Variants in RIBC2 observed in about 807,000 individuals in gnomAD.
RIBC2 encodes RIB43A-like with coiled-coils protein 2.
RIBC2 carries 40 observed loss-of-function variants against 44.3 expected under a neutral mutation model. That is an observed-to-expected ratio of 0.90 (90% CI 0.70 to 1.18). RIBC2 has a LOEUF of 1.18. Ranked by LOEUF, RIBC2 falls within the 50% of genes most tolerant of loss-of-function variation. The pLI, the probability that RIBC2 is intolerant of heterozygous loss-of-function variation, is 0.00. For missense variants in RIBC2, 459 were observed against 485.5 expected (o/e 0.95, Z 0.51); for synonymous variants, 171 against 175.0 (o/e 0.98, Z 0.18).
In RIBC2 at chr22:45,417,661, G is replaced by C. The variant is rs776961958; in HGVS notation, c.271G>C (p.Asp91His). 81 of 1,613,960 alleles carry C rather than the reference G, an allele frequency of 5.0e-5. No individual in the cohort carries two copies. The East Asian group carries it at 1.8e-3, about 36-fold the overall frequency. ...CATATTGGAAAACCGGAAAAAGAGG[G>C]ATAGGAAAAATCTCTGTAGGGCTAT... is the stretch of plus-strand genomic sequence containing the variant. ...MCILENRKKRDRKNLCRAIND... is the reference protein window; with the variant it reads ...MCILENRKKRHRKNLCRAIND... Residue 91 changes from aspartate to histidine, a missense_variant, in exon 3 of 7, where the codon GAT becomes CAT. Coordinates refer to ENST00000614167, the MANE Select transcript of RIBC2 (RefSeq NM_015653.5).
At position 45,417,722 on chromosome 22, in the gene RIBC2, C is replaced by G. The variant is rs1312490938; in HGVS notation, c.332C>G (p.Thr111Ser). ...DFQQSFQKPE[T>S]RREFDLSDPL... ...CAACAGAGCTTTCAGAAGCCAGAAACTCGCCGTGAATTTGATCTGTCCGAC... is the reference window on the plus strand; with the variant it reads ...CAACAGAGCTTTCAGAAGCCAGAAAGTCGCCGTGAATTTGATCTGTCCGAC... The change falls in exon 3 of 7, where the codon ACT becomes AGT. Residue 111 changes from threonine to serine, a missense_variant. Physicochemically the swap from Thr to Ser is moderately conservative, Grantham distance 58 (BLOSUM62 1). Coordinates refer to ENST00000614167, the MANE Select transcript of RIBC2 (RefSeq NM_015653.5). 6.2e-7 allele frequency: 1 copy of G among 1,614,142 alleles called. No homozygotes were observed. The highest frequency in any genetic ancestry group is 2.2e-5 in the East Asian group (1 of 44,890).
At chr22:45,428,067 C>T (rs147692280) in intron 5 of RIBC2, among the ~76,000 whole-genome samples, 121 of 152,292 alleles carry the variant, frequency 7.9e-4, no homozygotes, top group Non-Finnish European at 1.5e-3. Flanking sequence ...AGATGCAAGC[C>T]GTGGTTTCCT....
At chr22:45,423,271 T>C (rs2087503919) in intron 4 of RIBC2, among the ~76,000 whole-genome samples, 2 of 151,776 alleles carry the variant, frequency 1.3e-5, no homozygotes, top group East Asian at 3.9e-4. Flanking sequence ...CATCTGGCCC[T>C]CTTTTCGTTT....
At chr22:45,429,649 C>A (rs2087562101) in intron 5 of RIBC2, among the ~76,000 whole-genome samples, 1 of 152,006 alleles carries the variant, frequency 6.6e-6, no homozygotes, top group Non-Finnish European at 1.5e-5. Context: ...GCGTGAAGTT[C>A]AGGAAGTAGT....
intron 3 of RIBC2, among the ~76,000 whole-genome samples, chr22:45,419,619 A>G (rs965302759): frequency 1.3e-5 from 2 of 152,108 alleles, no homozygotes; most frequent in Admixed American, 1.3e-4. Context: ...ATGTAGTCCC[A>G]GCTACTCAGG....
At chr22:45,414,614 A>G (rs2087401417) in intron 2 of RIBC2, among the ~76,000 whole-genome samples, 3 of 152,144 alleles carry the variant, frequency 2.0e-5, no homozygotes, top group Middle Eastern at 3.4e-3. Context: ...TGCTGGAACT[A>G]CAGGCATGAG....
intron 2 of RIBC2, among the ~76,000 whole-genome samples, chr22:45,414,684 C>A (rs938265060): frequency 4.6e-5 from 7 of 152,108 alleles, no homozygotes; most frequent in African/African-American, 1.4e-4. Flanking sequence ...TCACACTCTT[C>A]TTCCTTTTAA....
At chr22:45,414,110 C>G (rs1051245963) in intron 1 of RIBC2, 95 bp downstream of exon 1, 27 of 1,506,946 alleles carry the variant, frequency 1.8e-5, no homozygotes, top group South Asian at 1.6e-4. Context: ...GATGAAACAT[C>G]TGAGCCAGGA....
intron 3 of RIBC2, among the ~76,000 whole-genome samples, chr22:45,420,158 G>A (rs1300090446): frequency 1.3e-5 from 2 of 152,118 alleles, no homozygotes; most frequent in African/African-American, 4.8e-5. Context: ...CTTATCTCCT[G>A]CTATGCTGCC....
intron 2 of RIBC2, among the ~76,000 whole-genome samples, chr22:45,415,185 A>G (rs2087410071): frequency 7.4e-6 from 1 of 136,012 alleles, no homozygotes; most frequent in Non-Finnish European, 1.5e-5. Context: ...CCCCATCTCT[A>G]CAAAAAATAA....
intron 5 of RIBC2, among the ~76,000 whole-genome samples, chr22:45,428,628 T>C (rs1317293585): frequency 6.6e-6 from 1 of 152,082 alleles, no homozygotes; most frequent in African/African-American, 2.4e-5. Context: ...AGTTGATCTG[T>C]ACTGGGGGCT....
intron 3 of RIBC2, among the ~76,000 whole-genome samples, chr22:45,421,567 A>ATTG (rs1569208930): frequency 7.5e-6 from 1 of 133,902 alleles, no homozygotes; most frequent in African/African-American, 3.0e-5. Context: ...TAGTATTATT[A>ATTG]ATAATAGTAT....
At position 45,430,934 on chromosome 22, in the gene RIBC2, A is replaced by G; in HGVS notation, c.938A>G (p.Asp313Gly). The G allele has an allele frequency of 6.2e-7, 1 of 1,609,390 alleles. No individual in the cohort carries two copies. Among genetic ancestry groups the G allele is most frequent in the Non-Finnish European group, 8.5e-7 (1 of 1,177,578 alleles). ...GAAGAAAAGCGCCAGCGAGACCTGGACTGGGACCGGCGGAGGATTCAGGGG... is the reference window on the plus strand; with the variant it reads ...GAAGAAAAGCGCCAGCGAGACCTGGGCTGGGACCGGCGGAGGATTCAGGGG... ...LQEEKRQRDL[D>G]WDRRRIQGAR... The change falls in exon 6 of 7, where the codon GAC (aspartate) becomes GGC (glycine). Residue 313 changes from aspartate (D) to glycine (G), a missense_variant. Coordinates refer to ENST00000614167, the MANE Select transcript of RIBC2 (RefSeq NM_015653.5).
chr22:45,415,570 G>T (rs1034031578), intron 2 of RIBC2, among the ~76,000 whole-genome samples: 4 of 151,068 alleles, frequency 2.6e-5, no homozygotes, highest in Non-Finnish European at 4.4e-5. Flanking sequence ...GATATCTTCA[G>T]TGTTTTTTGA....
rs747411393 is a variant in RIBC2 at position 45,426,141 on chromosome 22, G to C, written c.869G>C (p.Arg290Pro). 3.1e-6 allele frequency: 5 copies of C among 1,613,698 alleles called. No homozygotes were observed. The highest frequency in any genetic ancestry group is 1.3e-5 in the African/African-American group (1 of 74,932). Reference sequence around the variant, plus strand: ...ACCCAGGAGCAGCTGGAGCAGATCCGCCTAGTCCAGAAGCAGCAAATCCAG... The same window carrying C: ...ACCCAGGAGCAGCTGGAGCAGATCCCCCTAGTCCAGAAGCAGCAAATCCAG... ...GMTQEQLEQI[R>P]LVQKQQIQEK... Residue 290 changes from arginine to proline, a missense_variant, in exon 5 of 7, where the codon CGC (arginine) becomes CCC (proline). Transcript: ENST00000614167.
intron 4 of RIBC2, among the ~76,000 whole-genome samples, chr22:45,423,521 T>C (rs187327349): frequency 1.2e-4 from 18 of 152,310 alleles, no homozygotes; most frequent in Non-Finnish European, 1.2e-4. Flanking sequence ...CATGTGTAGT[T>C]ATAAGCATGT....
chr22:45,420,263 T>G (rs933753891), intron 3 of RIBC2, among the ~76,000 whole-genome samples: 13 of 152,172 alleles, frequency 8.5e-5, no homozygotes, highest in Admixed American at 1.3e-4. Context: ...TGCTGTTCCC[T>G]CTGCTTAGAA....
chr22:45,428,683 A>G (rs1216330615), intron 5 of RIBC2, among the ~76,000 whole-genome samples: 2 of 152,136 alleles, frequency 1.3e-5, no homozygotes, highest in African/African-American at 4.8e-5. Context: ...TACCTTTTAG[A>G]AGTAGAACTG....
intron 6 of RIBC2, among the ~76,000 whole-genome samples, chr22:45,431,524 T>C (rs1286917222): frequency 1.3e-5 from 2 of 152,340 alleles, no homozygotes; most frequent in African/African-American, 2.4e-5. Context: ...CAGGTGAACT[T>C]GCACCTGAAA....
Sources: allele counts gnomAD v4.1 joint callset (sites outside exome capture counted in the v4.1 genomes callset), GRCh38; gene constraint gnomAD v4.1.1; transcripts MANE v1.5; gene names NCBI Gene and HGNC (gene_info 2026-07-23, HGNC 2026-07-21).